GAR1: variants seen among roughly 807,000 people sequenced by gnomAD.
GAR1 encodes the protein H/ACA ribonucleoprotein complex subunit 1.
In GAR1, 11 loss-of-function variants were observed where a neutral mutation model predicts 29.3. That is an observed-to-expected ratio of 0.38 (90% CI 0.24 to 0.62). The LOEUF is 0.62. Ranked by LOEUF, GAR1 falls within the 20% of genes least tolerant of loss-of-function variation. The pLI is 0.62. For missense variants in GAR1, 237 were observed against 268.4 expected (o/e 0.88, Z 0.82); for synonymous variants, 87 against 93.3 (o/e 0.93, Z 0.39).
chr4:109,824,061 G>A, intron 6 of GAR1, 28 bp downstream of exon 6: 1 of 1,399,440 alleles, frequency 7.1e-7, no homozygotes, highest in Non-Finnish European at 1.0e-6. Context: ...TCTTTAAATT[G>A]CTTAATGTTT....
intron 5 of GAR1, 30 bp downstream of exon 5, chr4:109,822,518 A>G: frequency 6.3e-7 from 1 of 1,579,990 alleles, no homozygotes; most frequent in Non-Finnish European, 8.6e-7. Context: ...TTTCTAATGA[A>G]ATTAACTGTG....
chr4:109,819,008 CAGTTA>C lies in GAR1; in HGVS notation c.382_386del (p.Lys128ValfsTer10). 3 of 1,334,162 alleles carry C rather than the reference CAGTTA, an allele frequency of 2.2e-6. No individual in the cohort carries two copies. The highest frequency in any genetic ancestry group is 3.2e-6 in the Non-Finnish European group (3 of 939,016). The allele number at this position is 1,334,162 out of a possible 1,614,324, so 82.6% of individuals were successfully genotyped here. On this transcript the variant is annotated frameshift_variant, in exon 4 of 7. Transcript: ENST00000226796. LOFTEE classifies it high-confidence loss of function. ...CCTTAATGAAAATAATAGTATTTTT[CAGTTA>C]AGTTGTCAGAAAACATGAAGGCTTC... is the stretch of plus-strand genomic sequence containing the variant.
At position 109,823,973 on chromosome 4, in the gene GAR1, AGAGGTGGAAGAG is replaced by A; in HGVS notation, c.589_600del (p.Arg197_Gly200del). 6.3e-7 allele frequency: 1 copy of A among 1,599,980 alleles called. No homozygotes were observed. The highest frequency in any genetic ancestry group is 1.1e-5 in the South Asian group (1 of 90,056). On this transcript the variant is annotated inframe_deletion, in exon 6 of 7. Transcript: ENST00000226796. The stretch of plus-strand genomic sequence containing the variant: ...TAATAAATGTTTTTTAGGTGGTTTT[AGAGGTGGAAGAG>A]GAGGTGGAGGTGGGGGCTTCAGAGG...
chr4:109,817,891 G>A lies in GAR1; in HGVS notation c.215-45G>A, dbSNP rs548064323. On this transcript the variant is annotated intron_variant, in intron 2 of 6. Transcript: ENST00000226796. Reference sequence around the variant, plus strand: ...CTTCCAGAAGCAGTTGGTCAGTATCGTTTGAAATAGTTCTATGTTTTAACA... The same window carrying A: ...CTTCCAGAAGCAGTTGGTCAGTATCATTTGAAATAGTTCTATGTTTTAACA... 3.9e-4 allele frequency: 594 copies of A among 1,523,744 alleles called. 9 individuals are homozygous for A. In the South Asian group the frequency reaches 6.8e-3, roughly 17 times the overall value. The allele number at this position is 1,523,744 out of a possible 1,614,324, so 94.4% of individuals were successfully genotyped here. A position where few individuals can be genotyped will look rare whatever the true frequency, so the allele number is the denominator to read the frequency against.
intron 6 of GAR1, 112 bp from the exon 7 acceptor site, chr4:109,824,306 G>A (rs922750129): frequency 2.7e-6 from 2 of 736,630 alleles, no homozygotes; most frequent in African/African-American, 1.8e-5. Context: ...GGTAAAGTAT[G>A]TTTGCTAAAC....
In GAR1 at chr4:109,824,036, G is replaced by A; in HGVS notation, c.640+3G>A. ...AGGAAGAGGTGGTGGTTTCAGAGGT[G>A]AGTATTTTAAAAAGTCTTTAAATTG... On this transcript the variant is annotated splice_donor_region_variant and intron_variant, in intron 6 of 6. Transcript: ENST00000226796. 1.9e-6 allele frequency: 3 copies of A among 1,584,962 alleles called. No individual in the cohort carries two copies. The highest frequency in any genetic ancestry group is 2.6e-6 in the Non-Finnish European group (3 of 1,156,996).
intron 3 of GAR1, 82 bp downstream of exon 3, chr4:109,818,172 A>C: frequency 1.0e-6 from 1 of 976,190 alleles, no homozygotes; most frequent in Non-Finnish European, 1.5e-6. Context: ...AGTATAAATT[A>C]AAGTTGTTGC....
At chr4:109,821,120 G>A (rs749286505) in intron 4 of GAR1, among the ~76,000 whole-genome samples, 7 of 152,070 alleles carry the variant, frequency 4.6e-5, no homozygotes, top group Non-Finnish European at 8.8e-5. Flanking sequence ...CCCAGCCTGC[G>A]TTATTGTGAA....
chr4:109,823,928 A>T, intron 5 of GAR1, 37 bp from the exon 6 acceptor site: 1 of 1,311,694 alleles, frequency 7.6e-7, no homozygotes, highest in Non-Finnish European at 1.1e-6. Context: ...ATTGTTATTT[A>T]AATACTTTGC....
intron 5 of GAR1, among the ~76,000 whole-genome samples, chr4:109,822,774 C>T (rs1378599301): frequency 5.9e-5 from 9 of 151,964 alleles, no homozygotes; most frequent in Non-Finnish European, 1.3e-4. Flanking sequence ...AATTTTAATT[C>T]CTTAGTTAAT....
At chr4:109,820,406 G>T (rs2125889431) in intron 4 of GAR1, among the ~76,000 whole-genome samples, 1 of 152,164 alleles carries the variant, frequency 6.6e-6, no homozygotes, top group African/African-American at 2.4e-5. Flanking sequence ...TCAGTTTAAA[G>T]GAAGAGTCTA....
At chr4:109,820,419 C>T (rs1323679596) in intron 4 of GAR1, among the ~76,000 whole-genome samples, 1 of 151,726 alleles carries the variant, frequency 6.6e-6, no homozygotes, top group Non-Finnish European at 1.5e-5. Context: ...AGAGTCTAGA[C>T]TGGAAATAGA....
intron 2 of GAR1, among the ~76,000 whole-genome samples, 156 bp from the exon 3 acceptor site, chr4:109,817,780 A>G (rs1733394683): frequency 6.6e-6 from 1 of 152,250 alleles, no homozygotes; most frequent in Non-Finnish European, 1.5e-5. Context: ...TGGAGTTGGT[A>G]TACCAGCCCA....
chr4:109,824,356 G>A (rs1733596611), intron 6 of GAR1, 62 bp from the exon 7 acceptor site: 1 of 1,109,304 alleles, frequency 9.0e-7, no homozygotes, highest in Non-Finnish European at 1.4e-6. Flanking sequence ...TGAGATTTAG[G>A]TTATAATACT....
intron 2 of GAR1, 127 bp downstream of exon 2, chr4:109,816,505 G>A (rs1202760978): frequency 1.1e-6 from 1 of 897,348 alleles, no homozygotes; most frequent in Non-Finnish European, 1.8e-6. Flanking sequence ...GTGGAGTGGG[G>A]AGATCAAGAA....
intron 4 of GAR1, among the ~76,000 whole-genome samples, chr4:109,820,873 A>G (rs1384737145): frequency 6.6e-6 from 1 of 152,200 alleles, no homozygotes; most frequent in East Asian, 1.9e-4. Context: ...TTGAGCCCAG[A>G]AAGAAACAAT....
At position 109,819,079 on chromosome 4, in the gene GAR1, A is replaced by C; in HGVS notation, c.429+19A>C. Reference sequence around the variant, plus strand: ...ACAGAAGGTGAGTCAAACTTATGATACTTGGGATCCTTGGTTTTATAAGGG... The same window carrying C: ...ACAGAAGGTGAGTCAAACTTATGATCCTTGGGATCCTTGGTTTTATAAGGG... On this transcript the variant is annotated intron_variant, in intron 4 of 6. Coordinates refer to ENST00000226796, the MANE Select transcript of GAR1 (RefSeq NM_018983.4). 7.4e-7 allele frequency: 1 copy of C among 1,352,764 alleles called. No homozygotes were observed. The allele number at this position is 1,352,764 out of a possible 1,614,324, so 83.8% of individuals were successfully genotyped here.
At chr4:109,823,904 G>A in intron 5 of GAR1, 61 bp from the exon 6 acceptor site, 1 of 1,067,656 alleles carries the variant, frequency 9.4e-7, no homozygotes, top group Non-Finnish European at 1.4e-6. Flanking sequence ...ATAACTTAAT[G>A]ATTATTATAT....
intron 6 of GAR1, 134 bp from the exon 7 acceptor site, chr4:109,824,284 A>G: frequency 1.5e-6 from 1 of 653,636 alleles, no homozygotes; most frequent in South Asian, 2.1e-5. Context: ...AATATGAATG[A>G]CAGTTAAATT....
Sources: gnomAD v4.1 joint callset for allele counts (sites outside exome capture counted in the v4.1 genomes callset) on GRCh38, gnomAD v4.1.1 for gene constraint, MANE v1.5 for transcripts, NCBI Gene and HGNC (gene_info 2026-07-23, HGNC 2026-07-21) for gene names.